Variants in NME2 observed in about 807,000 individuals in gnomAD.
NME2 encodes NME/NM23 nucleoside diphosphate kinase 2, also known as nucleoside diphosphate kinase B.
A neutral mutation model predicts 17.8 loss-of-function variants in NME2; 18 were observed. The ratio of observed to expected loss-of-function variants is 1.01; its 90% confidence interval spans 0.70 to 1.50. NME2 has a LOEUF of 1.50. Among genes scored for constraint, NME2 ranks in the 40% most tolerant of loss-of-function variants. The pLI, the probability that NME2 is intolerant of heterozygous loss-of-function variation, is 0.00. For missense variants in NME2, 161 were observed against 195.6 expected, an observed-to-expected ratio of 0.82 and a Z score of 1.05; for synonymous variants, 74 against 71.4, an observed-to-expected ratio of 1.04 and a Z score of -0.19.
chr17:51,166,951 C>T lies in NME2; in HGVS notation c.121C>T (p.Leu41Phe), dbSNP rs1367006993. The change falls in exon 2 of 5, where the codon CTC becomes TTC. Residue 41 changes from leucine to phenylalanine, a missense_variant. Physicochemically the swap from Leu to Phe is conservative, Grantham distance 22. Coordinates refer to ENST00000512737, the MANE Select transcript of NME2 (RefSeq NM_002512.4). ...ATTCCGCCTCGTGGCCATGAAGTTC[C>T]TCCGGGTAACTCGCCCCCGTCTCCC... Reference protein sequence around the residue: ...KGFRLVAMKFLRASEEHLKQH... With the variant: ...KGFRLVAMKFFRASEEHLKQH... 18 of 1,613,338 alleles carry T rather than the reference C, an allele frequency of 1.1e-5. No homozygotes were observed. The highest frequency in any genetic ancestry group is 1.4e-5 in the Non-Finnish European group (16 of 1,179,808).
intron 4 of NME2, 69 bp from the exon 5 acceptor site, chr17:51,171,418 A>G (rs187530827): frequency 7.2e-7 from 1 of 1,388,720 alleles, no homozygotes; most frequent in African/African-American, 1.4e-5. Context: ...AGTGCTGTCC[A>G]TTGCGGTACC....
rs1272437800 is a variant in NME2, at chr17:51,166,777, G to GC, written c.-4-46dup. 9 of 1,527,254 alleles carry GC rather than the reference G, an allele frequency of 5.9e-6. 1 individual carries two copies. The Middle Eastern group carries it at 5.8e-4, about 99-fold the overall frequency. 94.6% of individuals were successfully genotyped at this position (1,527,254 alleles called of 1,614,324 possible). On this transcript the variant is annotated intron_variant, in intron 1 of 4. Transcript: ENST00000512737. ...GGCGGCGCCCACGTGGCCTCCGCGG[G>GC]CCCCGCCAGAGCCTGCGCCCGGGCC... is the stretch of plus-strand genomic sequence containing the variant.
Position 51,171,669 on chromosome 17 carries a change from T to G in NME2, c.*65T>G, listed in dbSNP as rs758087085. ...TGTGTCCCTGGACACAGCTCTTCAT[T>G]CCATTGACTTAGAGGCAACAGGATT... is the stretch of plus-strand genomic sequence containing the variant. On this transcript the variant is annotated 3_prime_UTR_variant, in exon 5 of 5. Coordinates refer to ENST00000512737, the MANE Select transcript of NME2 (RefSeq NM_002512.4). The G allele has an allele frequency of 6.3e-5, 77 of 1,226,300 alleles. No individual in the cohort carries two copies. The highest frequency in any genetic ancestry group is 8.4e-5 in the Non-Finnish European group (71 of 844,198). 76.0% of individuals were successfully genotyped at this position (1,226,300 alleles called of 1,614,324 possible).
At chr17:51,167,494 A>G (rs766547933) in intron 2 of NME2, among the ~76,000 whole-genome samples, 1 of 152,224 alleles carries the variant, frequency 6.6e-6, no homozygotes, top group Non-Finnish European at 1.5e-5. Flanking sequence ...GAATGTTCTC[A>G]GTTATTATCT....
chr17:51,169,465 GA>G (rs2050021430), intron 3 of NME2: 1 of 152,522 alleles, frequency 6.6e-6, no homozygotes, highest in African/African-American at 2.5e-5. Flanking sequence ...AAAAATTGGA[GA>G]GAGTAAAATA....
intron 4 of NME2, 135 bp from the exon 5 acceptor site, chr17:51,171,352 T>G: frequency 6.3e-6 from 4 of 631,128 alleles, no homozygotes; most frequent in East Asian, 2.7e-5. Context: ...AGGAAATGCT[T>G]TGGGGGTATA....
At chr17:51,170,139 G>A (rs1053541381) in intron 4 of NME2, 90 bp downstream of exon 4, 1 of 906,354 alleles carries the variant, frequency 1.1e-6, no homozygotes, top group Non-Finnish European at 1.5e-6. Flanking sequence ...AAGAATCTGT[G>A]CCCTTTTTTT....
At chr17:51,167,684 T>C (rs2049977026) in intron 2 of NME2, among the ~76,000 whole-genome samples, 1 of 152,166 alleles carries the variant, frequency 6.6e-6, no homozygotes, top group South Asian at 2.1e-4. Context: ...TATGAGGGTG[T>C]CTTTACGATT....
chr17:51,168,416 C>T (rs1284459108), intron 3 of NME2, 73 bp downstream of exon 3: 2 of 1,488,140 alleles, frequency 1.3e-6, no homozygotes, highest in Admixed American at 3.7e-5. Flanking sequence ...TCTCCCTCAG[C>T]TAATCTAAAT....
chr17:51,171,394 C>A, intron 4 of NME2, 93 bp from the exon 5 acceptor site: 1 of 1,056,332 alleles, frequency 9.5e-7, no homozygotes, highest in South Asian at 1.5e-5. Context: ...GGCAATTTGG[C>A]TGAAAGAGTC....
Position 51,171,541 on chromosome 17 carries a change from A to G in NME2, c.396A>G (p.Leu132=). ...AAAGTGCTGAAAAAGAAATCAGCCT[A>G]TGGTTTAAGCCTGAAGAACTGGTTG... is the stretch of plus-strand genomic sequence containing the variant. The part of the protein sequence containing the change: ...SVKSAEKEIS[L]WFKPEELVDY... The change falls in exon 5 of 5, where the codon CTA becomes CTG. Residue 132 remains leucine (L), a synonymous_variant. Transcript: ENST00000512737. 1 of 1,613,856 alleles carries G rather than the reference A, an allele frequency of 6.2e-7. No homozygotes were observed. The highest frequency in any genetic ancestry group is 8.5e-7 in the Non-Finnish European group (1 of 1,179,764).
At chr17:51,166,738 G>T in intron 1 of NME2, 89 bp from the exon 2 acceptor site, 1 of 1,369,412 alleles carries the variant, frequency 7.3e-7, no homozygotes, top group Non-Finnish European at 9.4e-7. Context: ...GCGCGTGGTG[G>T]GGGAGGAGGG....
At chr17:51,166,800 G>A (rs749547313) in intron 1 of NME2, 27 bp from the exon 2 acceptor site, 4 of 1,592,310 alleles carry the variant, frequency 2.5e-6, no homozygotes, top group Non-Finnish European at 3.4e-6. Flanking sequence ...CTGCGCCCGG[G>A]CCCTGACCGC....
In NME2 at chr17:51,171,636, C is replaced by A. The variant is rs11554542; in HGVS notation, c.*32C>A. 1.6e-5 allele frequency: 24 copies of A among 1,531,972 alleles called. No individual in the cohort carries two copies. The highest frequency in any genetic ancestry group is 2.1e-5 in the Non-Finnish European group (23 of 1,107,210). 94.9% of individuals were successfully genotyped at this position (1,531,972 alleles called of 1,614,324 possible). A position where few individuals can be genotyped will look rare whatever the true frequency, so the allele number is the denominator to read the frequency against. On this transcript the variant is annotated 3_prime_UTR_variant, in exon 5 of 5. Transcript: ENST00000512737. ...GACACAACAGCAGTCTCCTTCAGCA[C>A]GGCGTGGTGTGTCCCTGGACACAGC...
intron 2 of NME2, chr17:51,167,171 A>C: frequency 4.3e-5 from 45 of 1,054,204 alleles, no homozygotes; most frequent in Admixed American, 1.1e-4. Flanking sequence ...TGGTAGCGTG[A>C]CTCGCCCTCC....
upstream of NME2, among the ~76,000 whole-genome samples, chr17:51,166,119 G>A (rs2049930190): frequency 1.0e-5 from 1 of 95,342 alleles, no homozygotes; most frequent in Admixed American, 9.1e-5. Context: ...CAGGTTCTGT[G>A]TGTGTGTGTG....
chr17:51,169,685 G>A (rs2050026604), intron 3 of NME2: 2 of 401,966 alleles, frequency 5.0e-6, no homozygotes, highest in African/African-American at 2.1e-5. Flanking sequence ...GGCTGCATAA[G>A]GATTCTGCAA....
chr17:51,171,313 A>T (rs2050064401), intron 4 of NME2, among the ~76,000 whole-genome samples, 174 bp from the exon 5 acceptor site: 1 of 152,220 alleles, frequency 6.6e-6, no homozygotes, highest in African/African-American at 2.4e-5. Context: ...TAAATCAAGC[A>T]CTTTTACAGT....
chr17:51,167,531 A>G (rs1178020208), intron 2 of NME2, among the ~76,000 whole-genome samples: 5 of 152,224 alleles, frequency 3.3e-5, no homozygotes, highest in African/African-American at 1.2e-4. Flanking sequence ...CATTGTGAGT[A>G]GCCCAGGGGA....
Sources: gnomAD v4.1 joint callset for allele counts (sites outside exome capture counted in the v4.1 genomes callset) on GRCh38, gnomAD v4.1.1 for gene constraint, MANE v1.5 for transcripts, NCBI Gene and HGNC (gene_info 2026-07-23, HGNC 2026-07-21) for gene names.